THRAP3: variants seen among roughly 807,000 people sequenced by gnomAD.
THRAP3 encodes thyroid hormone receptor associated protein 3.
In THRAP3, 16 loss-of-function variants were observed where a neutral mutation model predicts 101.0. The observed-to-expected ratio is 0.16, with a 90% confidence interval of 0.11 to 0.24. THRAP3 has a LOEUF of 0.24. THRAP3 is among the 10% of genes least tolerant of loss of function. The pLI, the probability that THRAP3 is intolerant of heterozygous loss-of-function variation, is 1.00. For missense variants in THRAP3, 989 were observed against 1,202.7 expected (o/e 0.82, Z 2.63); for synonymous variants, 407 against 422.6 (o/e 0.96, Z 0.45).
Position 36,303,958 on chromosome 1 carries a change from G to T in THRAP3, c.2809G>T (p.Asp937Tyr). 3 of 1,611,062 alleles carry T rather than the reference G, an allele frequency of 1.9e-6. No individual in the cohort carries two copies. Among genetic ancestry groups the T allele is most frequent in the Non-Finnish European group, 2.5e-6 (3 of 1,178,620 alleles). The change falls in exon 12 of 12, where the codon GAC becomes TAC. Residue 937 changes from aspartate (D) to tyrosine (Y), a missense_variant. Transcript: ENST00000354618. ...FSGEEGEIED[D>Y]ESGTENREEK... ...TGGGGAGGAAGGGGAGATTGAAGAC[G>T]ACGAGAGTGGGACAGAGAACCGAGA...
rs534645372 is a variant in THRAP3, at chr1:36,268,705, T to C, written c.-32+9221T>C. On this transcript the variant is annotated intron_variant, in intron 2 of 11. Coordinates refer to ENST00000354618, the MANE Select transcript of THRAP3 (RefSeq NM_005119.4). ...AATGACTACTTAGAAAAGTAATCCA[T>C]GTGTCCAATATGAGTTAATTTTTTT... 5.9e-5 allele frequency among the ~76,000 whole-genome samples: 9 copies of C among 152,086 alleles called. No individual in the cohort carries two copies. The East Asian group carries it at 7.7e-4, about 13-fold the overall frequency.
intron 1 of THRAP3, among the ~76,000 whole-genome samples, chr1:36,243,977 C>T (rs1274120887): frequency 1.5e-5 from 2 of 133,930 alleles, no homozygotes; most frequent in African/African-American, 2.8e-5. Context: ...GGGGGCTGAA[C>T]CCCCCACCTC....
At chr1:36,209,058 C>T in the THRAP3 span, among the ~76,000 whole-genome samples, 1 of 148,520 alleles carries the variant, frequency 6.7e-6, no homozygotes, top group Admixed American at 6.9e-5. Context: ...CTCACTGCAG[C>T]CTCGAACTCC....
intron 4 of THRAP3, chr1:36,288,661 T>G (rs544992880): frequency 1.4e-4 from 138 of 985,370 alleles, no homozygotes; most frequent in Non-Finnish European, 1.6e-4. Context: ...AGGTTGAACA[T>G]TCTATGTTAA....
At chr1:36,270,891 A>T (rs1026169529) in intron 2 of THRAP3, among the ~76,000 whole-genome samples, 2 of 152,220 alleles carry the variant, frequency 1.3e-5, no homozygotes, top group South Asian at 4.1e-4. Flanking sequence ...GGTTTTTTTA[A>T]TATCAGAAAA....
chr1:36,290,301 T>A (rs1254789777), intron 5 of THRAP3, among the ~76,000 whole-genome samples: 1 of 151,750 alleles, frequency 6.6e-6, no homozygotes, highest in Non-Finnish European at 1.5e-5. Context: ...GTTCACGCCA[T>A]TCTCCTGCCT....
chr1:36,217,516 G>A, the THRAP3 span, among the ~76,000 whole-genome samples: 1 of 151,766 alleles, frequency 6.6e-6, no homozygotes, highest in Admixed American at 6.6e-5. Flanking sequence ...GTTTTACTGT[G>A]CTTTGTAGAT....
intron 1 of THRAP3, among the ~76,000 whole-genome samples, chr1:36,258,727 C>T (rs1437373910): frequency 6.6e-6 from 1 of 152,202 alleles, no homozygotes; most frequent in Non-Finnish European, 1.5e-5. Context: ...GATCCGCCCG[C>T]CTTGGCCTCC....
At chr1:36,213,583 CGTCTGTAA>C in the THRAP3 span, among the ~76,000 whole-genome samples, 2 of 152,090 alleles carry the variant, frequency 1.3e-5, no homozygotes, top group Non-Finnish European at 2.9e-5. Context: ...CTGTGGCTCA[CGTCTGTAA>C]TCCCAGCACT....
chr1:36,280,923 TTTTA>T (rs916025672), intron 2 of THRAP3, among the ~76,000 whole-genome samples: 25 of 151,814 alleles, frequency 1.6e-4, no homozygotes, highest in African/African-American at 5.8e-4. Flanking sequence ...GACTCTTTAT[TTTTA>T]TTTATTTTTT....
At chr1:36,220,972 A>AAAAATATATATAT (rs1285765741), upstream of THRAP3, among the ~76,000 whole-genome samples, 1 of 94,146 alleles carries the variant, frequency 1.1e-5, no homozygotes, top group African/African-American at 4.7e-5. Context: ...AAAAAAAAAA[A>AAAAATATATATAT]ATATATATAT....
chr1:36,217,686 T>C, the THRAP3 span, among the ~76,000 whole-genome samples: 1 of 152,200 alleles, frequency 6.6e-6, no homozygotes. Flanking sequence ...ATTATATCTG[T>C]TATGGTGATC....
intron 1 of THRAP3, among the ~76,000 whole-genome samples, chr1:36,237,468 C>CAAA (rs1222944821): frequency 1.2e-4 from 6 of 50,938 alleles, no homozygotes; most frequent in Admixed American, 4.5e-4. Context: ...AACTTCATCT[C>CAAA]AAAAAAAAAA....
At chr1:36,224,991 T>G (rs1466738672) in intron 1 of THRAP3, 1 of 152,272 alleles carries the variant, frequency 6.6e-6, no homozygotes, top group Non-Finnish European at 1.5e-5. Context: ...AAAAACGGGA[T>G]AGTCCAAATT....
intron 1 of THRAP3, among the ~76,000 whole-genome samples, chr1:36,255,457 G>T (rs897855305): frequency 6.6e-6 from 1 of 151,856 alleles, no homozygotes; most frequent in African/African-American, 2.4e-5. Flanking sequence ...GTGAGACCCT[G>T]TCTCTATTTA....
At chr1:36,293,979 T>G in intron 8 of THRAP3, 44 bp downstream of exon 8, 2 of 1,595,462 alleles carry the variant, frequency 1.3e-6, no homozygotes, top group Non-Finnish European at 1.7e-6. Context: ...AATGAGTGCG[T>G]TGGGCATGAA....
At chr1:36,225,936 T>C (rs1644957202) in intron 1 of THRAP3, among the ~76,000 whole-genome samples, 3 of 152,240 alleles carry the variant, frequency 2.0e-5, no homozygotes, top group Non-Finnish European at 4.4e-5. Context: ...CTATATCCAG[T>C]GTAATTCCAT....
At chr1:36,266,202 C>G in intron 2 of THRAP3, among the ~76,000 whole-genome samples, 1 of 151,206 alleles carries the variant, frequency 6.6e-6, no homozygotes, top group South Asian at 2.1e-4. Context: ...ACCTGTAGTC[C>G]CAGCTACTCA....
intron 1 of THRAP3, among the ~76,000 whole-genome samples, chr1:36,236,764 C>G (rs557894126): frequency 6.6e-6 from 1 of 152,338 alleles, no homozygotes; most frequent in African/African-American, 2.4e-5. Flanking sequence ...CCACAATGGA[C>G]ATGTTCAGAA....
Sources: gnomAD v4.1 joint callset for allele counts (sites outside exome capture counted in the v4.1 genomes callset) on GRCh38, gnomAD v4.1.1 for gene constraint, MANE v1.5 for transcripts, NCBI Gene and HGNC (gene_info 2026-07-23, HGNC 2026-07-21) for gene names.